DLGAP2: variants seen among roughly 807,000 people sequenced by gnomAD.
DLGAP2 encodes the protein DLG associated protein 2.
A neutral mutation model predicts 100.3 loss-of-function variants in DLGAP2; 26 were observed. That is an observed-to-expected ratio of 0.26 (90% confidence interval 0.19 to 0.36). DLGAP2 has a LOEUF of 0.36. Among genes scored for constraint, DLGAP2 ranks in the 10% least tolerant of loss-of-function variants. The probability of loss-of-function intolerance (pLI) is 1.00; values close to 1 mark genes in which losing one functional copy is unlikely to be tolerated. For missense variants in DLGAP2, 1,858 were observed against 1,453.2 expected, an observed-to-expected ratio of 1.28 and a Z score of -4.53; for synonymous variants, 886 against 630.1, an observed-to-expected ratio of 1.41 and a Z score of -6.08.
rs111683076 is a variant in DLGAP2 at position 771,664 on chromosome 8, C to T, written c.18+33839C>T. Among the ~76,000 whole-genome samples the T allele has an allele frequency of 5.6e-3, 859 of 152,312 alleles. 6 individuals are homozygous for T. The highest frequency in any genetic ancestry group is 0.02 in the African/African-American group (813 of 41,560). ...CAACCCCTACCTTGCTACCCAGAGA[C>T]GCATTGAACACGACGTGGCCTCTGG... On this transcript the variant is annotated intron_variant, in intron 1 of 14. Transcript: ENST00000637795.
At chr8:1,643,499 C>A (rs1797962275) in intron 8 of DLGAP2, among the ~76,000 whole-genome samples, 1 of 28,988 alleles carries the variant, frequency 3.4e-5, no homozygotes, top group Non-Finnish European at 5.7e-5. Flanking sequence ...ACCCGCCGGT[C>A]CTCACCTGTG....
intron 2 of DLGAP2, among the ~76,000 whole-genome samples, chr8:1,117,117 A>G (rs1411162956): frequency 6.6e-6 from 1 of 152,204 alleles, no homozygotes; most frequent in Non-Finnish European, 1.5e-5. Flanking sequence ...CCCAGCATCA[A>G]GAAGAGGTTT....
chr8:1,198,654 G>A (rs1027306152), intron 2 of DLGAP2, among the ~76,000 whole-genome samples: 5 of 152,164 alleles, frequency 3.3e-5, no homozygotes, highest in East Asian at 1.9e-4. Flanking sequence ...AGGCCGAGCC[G>A]CTCAGGCCCA....
At chr8:973,403 G>A (rs1322263207) in intron 2 of DLGAP2, among the ~76,000 whole-genome samples, 2 of 151,868 alleles carry the variant, frequency 1.3e-5, no homozygotes, top group African/African-American at 4.8e-5. Context: ...AGACGGGGCG[G>A]CCGGGCAGAG....
chr8:800,698 ATG>A (rs901966106), intron 1 of DLGAP2, among the ~76,000 whole-genome samples: 33 of 152,096 alleles, frequency 2.2e-4, no homozygotes, highest in African/African-American at 6.5e-4. Context: ...GCATGTGTGC[ATG>A]TGTGTGTCTG....
intron 1 of DLGAP2, among the ~76,000 whole-genome samples, chr8:797,891 C>T (rs1220005236): frequency 1.3e-5 from 2 of 152,170 alleles, no homozygotes; most frequent in Non-Finnish European, 2.9e-5. Context: ...GCTGGGATTA[C>T]AGGCGCCTGC....
chr8:1,459,167 A>C (rs1424391709), intron 3 of DLGAP2, among the ~76,000 whole-genome samples: 3 of 149,746 alleles, frequency 2.0e-5, no homozygotes, highest in Admixed American at 2.0e-4. Context: ...TGCGTCCCAG[A>C]CAGGAGTGAC....
chr8:812,332 G>A (rs1045207652), intron 1 of DLGAP2, among the ~76,000 whole-genome samples: 1 of 152,156 alleles, frequency 6.6e-6, no homozygotes, highest in African/African-American at 2.4e-5. Context: ...ACTGCCCATG[G>A]GGGATGGTGA....
chr8:860,190 C>T (rs564189134), intron 1 of DLGAP2, among the ~76,000 whole-genome samples: 1 of 152,312 alleles, frequency 6.6e-6, no homozygotes, highest in Non-Finnish European at 1.5e-5. Context: ...GGTAGCCTTA[C>T]AGACGGCCTT....
intron 3 of DLGAP2, among the ~76,000 whole-genome samples, chr8:1,347,261 C>T (rs533122532): frequency 6.6e-6 from 1 of 151,546 alleles, no homozygotes; most frequent in South Asian, 2.1e-4. Context: ...GGTTGAGTTC[C>T]CACATAGAGC....
intron 2 of DLGAP2, among the ~76,000 whole-genome samples, chr8:967,387 T>A (rs896349752): frequency 1.3e-5 from 2 of 152,140 alleles, no homozygotes; most frequent in African/African-American, 4.8e-5. Flanking sequence ...GTGCCTGTGG[T>A]TTTGAGAGTG....
At chr8:1,481,500 T>TG (rs1331003881) in intron 3 of DLGAP2, among the ~76,000 whole-genome samples, 2 of 96,172 alleles carry the variant, frequency 2.1e-5, no homozygotes, top group Non-Finnish European at 4.4e-5. Flanking sequence ...TTTTTTGAGA[T>TG]GGAGTTTTGC....
chr8:1,041,409 A>C (rs1245810908), intron 2 of DLGAP2, among the ~76,000 whole-genome samples: 1 of 152,190 alleles, frequency 6.6e-6, no homozygotes, highest in African/African-American at 2.4e-5. Context: ...GGCACTCGGG[A>C]GGAGACAGAG....
At chr8:1,378,259 C>A (rs1166546506) in intron 3 of DLGAP2, among the ~76,000 whole-genome samples, 1 of 150,170 alleles carries the variant, frequency 6.7e-6, no homozygotes, top group Non-Finnish European at 1.5e-5. Context: ...GCCACACACA[C>A]CTGACTTCGC....
chr8:1,260,148 C>G (rs1277835200), intron 3 of DLGAP2, among the ~76,000 whole-genome samples: 2 of 152,124 alleles, frequency 1.3e-5, no homozygotes, highest in African/African-American at 4.8e-5. Context: ...GTCCTTTCCC[C>G]TGGAGACCCC....
At chr8:1,666,988 G>A (rs528767140) in intron 8 of DLGAP2, among the ~76,000 whole-genome samples, 1 of 152,178 alleles carries the variant, frequency 6.6e-6, no homozygotes, top group Non-Finnish European at 1.5e-5. Flanking sequence ...CACAGACGGC[G>A]CTCAGACCCC....
rs374335515 is a variant in DLGAP2, at chr8:1,193,305, C to T, written c.74-65546C>T. On this transcript the variant is annotated intron_variant, in intron 2 of 14. Coordinates refer to ENST00000637795, the MANE Select transcript of DLGAP2 (RefSeq NM_001346810.2). ...GTCCCACCAACAGTGTAAAAGTGTT[C>T]CCATTTCTCCACATCCTCTCCAGCA... 5.3e-5 allele frequency among the ~76,000 whole-genome samples: 8 copies of T among 152,300 alleles called. No individual in the cohort carries two copies. In the South Asian group the frequency reaches 1.0e-3, roughly 20 times the overall value.
intron 2 of DLGAP2, among the ~76,000 whole-genome samples, chr8:1,026,923 GTATCTTTTTAAGATA>G (rs1801817655): frequency 6.6e-6 from 1 of 152,230 alleles, no homozygotes; most frequent in Non-Finnish European, 1.5e-5. Flanking sequence ...TTGGGAATAT[GTATCTTTTTAAGATA>G]TGCCTGTTCT....
intron 2 of DLGAP2, among the ~76,000 whole-genome samples, chr8:1,203,648 A>C (rs1326222361): frequency 1.3e-5 from 2 of 152,222 alleles, no homozygotes; most frequent in Non-Finnish European, 2.9e-5. Context: ...CTTTATATCA[A>C]GGAATGGATG....
Sources: allele counts gnomAD v4.1 joint callset (sites outside exome capture counted in the v4.1 genomes callset), GRCh38; gene constraint gnomAD v4.1.1; transcripts MANE v1.5; gene names NCBI Gene and HGNC (gene_info 2026-07-23, HGNC 2026-07-21).